Variants in GRIA1 observed in about 807,000 individuals in gnomAD.
GRIA1 encodes the protein glutamate receptor 1.
In GRIA1, 31 loss-of-function variants were observed where a neutral mutation model predicts 99.2. The observed-to-expected ratio is 0.31, with a 90% CI of 0.23 to 0.42. GRIA1 has a LOEUF of 0.42. Among genes scored for constraint, GRIA1 ranks in the 10% least tolerant of loss-of-function variants. The pLI is 1.00. For missense variants in GRIA1, 782 were observed against 1,157.5 expected, an observed-to-expected ratio of 0.68 and a Z score of 4.71; for synonymous variants, 438 against 432.4, an observed-to-expected ratio of 1.01 and a Z score of -0.16.
chr5:153,712,775 C>T lies in GRIA1; in HGVS notation c.1823+6708C>T, dbSNP rs147921335. Among the ~76,000 whole-genome samples the T allele has an allele frequency of 9.5e-4, 145 of 152,298 alleles. 1 individual carries two copies. The Middle Eastern group carries it at 0.02, about 21-fold the overall frequency. On this transcript the variant is annotated intron_variant, in intron 11 of 15. Coordinates refer to ENST00000285900, the MANE Select transcript of GRIA1 (RefSeq NM_000827.4). ...TCAAAAATGATGAGCAGGAAATGTG[C>T]GATAGCTAATCTGGGTCTTGGGACT...
intron 11 of GRIA1, among the ~76,000 whole-genome samples, chr5:153,721,603 G>A (rs1454320729): frequency 6.6e-6 from 1 of 152,164 alleles, no homozygotes; most frequent in Non-Finnish European, 1.5e-5. Context: ...TGAATCTACT[G>A]AATAGAATTA....
intron 8 of GRIA1, among the ~76,000 whole-genome samples, chr5:153,696,018 G>C (rs1758067281): frequency 1.3e-5 from 2 of 152,122 alleles, no homozygotes; most frequent in Admixed American, 6.5e-5. Context: ...GAGAGATGGG[G>C]ACAGACACAC....
chr5:153,510,361 T>C (rs1755944294), intron 2 of GRIA1, among the ~76,000 whole-genome samples: 1 of 152,206 alleles, frequency 6.6e-6, no homozygotes, highest in African/African-American at 2.4e-5. Flanking sequence ...GTTTCCGACA[T>C]GTACTTTTCA....
At chr5:153,546,931 G>T (rs1458584313) in intron 2 of GRIA1, among the ~76,000 whole-genome samples, 1 of 152,152 alleles carries the variant, frequency 6.6e-6, no homozygotes, top group Non-Finnish European at 1.5e-5. Flanking sequence ...GTCCTTCTCT[G>T]TTTTTTAATT....
intron 2 of GRIA1, among the ~76,000 whole-genome samples, chr5:153,597,534 C>CAAT (rs1289342894): frequency 6.6e-6 from 1 of 152,188 alleles, no homozygotes; most frequent in African/African-American, 2.4e-5. Context: ...TAAAAAGAAG[C>CAAT]AATGAGTTCT....
chr5:153,602,065 A>G (rs1444812486), intron 2 of GRIA1, among the ~76,000 whole-genome samples: 1 of 152,212 alleles, frequency 6.6e-6, no homozygotes, highest in Non-Finnish European at 1.5e-5. Flanking sequence ...ATGCTGCTAT[A>G]AAGACACATG....
At chr5:153,573,005 G>A (rs1163862777) in intron 2 of GRIA1, among the ~76,000 whole-genome samples, 1 of 152,138 alleles carries the variant, frequency 6.6e-6, no homozygotes, top group East Asian at 1.9e-4. Flanking sequence ...AAACAAATAA[G>A]CATCAGCAGG....
intron 2 of GRIA1, among the ~76,000 whole-genome samples, chr5:153,601,948 C>T (rs1035030779): frequency 2.0e-5 from 3 of 152,200 alleles, no homozygotes; most frequent in Non-Finnish European, 2.9e-5. Flanking sequence ...CAAAGTTGTT[C>T]TCTCATCCTC....
Position 153,491,539 on chromosome 5 carries a change from T to C in GRIA1, c.82+569T>C, listed in dbSNP as rs367994440. Among the ~76,000 whole-genome samples the C allele has an allele frequency of 5.9e-5, 9 of 152,244 alleles. 1 individual carries two copies. In the South Asian group the frequency reaches 1.9e-3, roughly 32 times the overall value. ...TCCAAGGCGGGTAGGCTCCCTCTCC[T>C]GTTCTGGACTCCTCCAGCTGCCTTC... On this transcript the variant is annotated intron_variant, in intron 1 of 15. Transcript: ENST00000285900.
chr5:153,519,826 T>C (rs1228619708), intron 2 of GRIA1, among the ~76,000 whole-genome samples: 3 of 152,228 alleles, frequency 2.0e-5, no homozygotes, highest in Admixed American at 6.5e-5. Flanking sequence ...AGTAATACCA[T>C]ACATTTTGAT....
At chr5:153,745,788 T>C (rs1762118175) in intron 11 of GRIA1, among the ~76,000 whole-genome samples, 1 of 152,160 alleles carries the variant, frequency 6.6e-6, no homozygotes, top group African/African-American at 2.4e-5. Flanking sequence ...CAGACACTTA[T>C]CTCTGCCAAG....
intron 2 of GRIA1, among the ~76,000 whole-genome samples, chr5:153,603,165 A>C (rs921189272): frequency 8.6e-5 from 13 of 151,852 alleles, no homozygotes; most frequent in Non-Finnish European, 5.9e-5. Flanking sequence ...GAGTGAGAAC[A>C]TGCAGTGTTT....
At chr5:153,671,092 G>T (rs1025221433) in intron 5 of GRIA1, among the ~76,000 whole-genome samples, 3 of 152,060 alleles carry the variant, frequency 2.0e-5, no homozygotes, top group African/African-American at 4.8e-5. Context: ...TCTTAGGAGG[G>T]GATGGGGGTT....
At chr5:153,585,327 G>A (rs200928967) in intron 2 of GRIA1, among the ~76,000 whole-genome samples, 1,255 of 35,414 alleles carry the variant, frequency 0.035, 19 homozygotes, top group African/African-American at 0.12. Flanking sequence ...TTTTTTTTTT[G>A]AGACAGACTC....
chr5:153,490,653 C>T (rs1279228328), upstream of GRIA1: 9 of 573,884 alleles, frequency 1.6e-5, no homozygotes, highest in Admixed American at 3.0e-5. Flanking sequence ...TGAGGACGGG[C>T]TTCTTTTCCC....
intron 2 of GRIA1, among the ~76,000 whole-genome samples, chr5:153,601,281 T>A (rs1410487168): frequency 6.6e-6 from 1 of 152,240 alleles, no homozygotes; most frequent in Non-Finnish European, 1.5e-5. Flanking sequence ...AACTCATAAG[T>A]GGTAAATATT....
intron 10 of GRIA1, 89 bp from the exon 11 acceptor site, chr5:153,705,608 A>G: frequency 7.1e-7 from 1 of 1,407,964 alleles, no homozygotes. Context: ...ACAAAAGAAT[A>G]GTCACAATGA....
At chr5:153,773,787 C>T (rs1408433901) in intron 13 of GRIA1, among the ~76,000 whole-genome samples, 1 of 152,122 alleles carries the variant, frequency 6.6e-6, no homozygotes, top group Non-Finnish European at 1.5e-5. Context: ...TCATATGCTC[C>T]TGTCTTCCTA....
chr5:153,549,971 A>G (rs776021586), intron 2 of GRIA1, among the ~76,000 whole-genome samples: 7 of 152,168 alleles, frequency 4.6e-5, no homozygotes, highest in Non-Finnish European at 8.8e-5. Context: ...TACTATCGGT[A>G]TGAAATTGGA....
Sources: gnomAD v4.1 joint callset for allele counts (sites outside exome capture counted in the v4.1 genomes callset) on GRCh38, gnomAD v4.1.1 for gene constraint, MANE v1.5 for transcripts, NCBI Gene and HGNC (gene_info 2026-07-23, HGNC 2026-07-21) for gene names.